The following TSHR variants were observed in gnomAD, a reference collection of about 807,000 sequenced individuals.
TSHR encodes the protein thyroid stimulating hormone receptor, also known as thyrotropin receptor.
Under a neutral mutation model 64.1 loss-of-function variants are expected in TSHR, and 51 were observed. That is an observed-to-expected ratio of 0.80 (90% CI 0.64 to 1.01). The LOEUF (loss-of-function observed/expected upper bound fraction) is 1.01, where lower values mean the gene tolerates loss of function less well. Ranked by LOEUF, TSHR falls within the 50% of genes least tolerant of loss-of-function variation. TSHR has a pLI of 0.00. For missense variants in TSHR, 877 were observed against 942.8 expected, an observed-to-expected ratio of 0.93 and a Z score of 0.91; for synonymous variants, 361 against 361.9, an observed-to-expected ratio of 1.00 and a Z score of 0.03.
intron 8 of TSHR, among the ~76,000 whole-genome samples, chr14:81,113,024 A>G (rs986094907): frequency 1.1e-4 from 17 of 152,234 alleles, no homozygotes; most frequent in African/African-American, 3.1e-4. Flanking sequence ...CCATAGGAGC[A>G]TTTTGAGCAT....
chr14:81,092,242 C>G (rs2139983717), intron 5 of TSHR, among the ~76,000 whole-genome samples: 1 of 152,268 alleles, frequency 6.6e-6, no homozygotes, highest in Non-Finnish European at 1.5e-5. Flanking sequence ...AGAAGCCTCT[C>G]AAATCCATCT....
intron 1 of TSHR, chr14:81,051,853 T>A (rs1378681188): frequency 6.6e-6 from 1 of 152,178 alleles, no homozygotes; most frequent in Non-Finnish European, 1.5e-5. Context: ...GAAGTGTCTA[T>A]CCATGTCATT....
intron 1 of TSHR, among the ~76,000 whole-genome samples, chr14:80,977,240 T>C (rs1887928622): frequency 6.6e-6 from 1 of 152,202 alleles, no homozygotes; most frequent in African/African-American, 2.4e-5. Flanking sequence ...AGGCAAACAG[T>C]TATCTAGAAT....
intron 1 of TSHR, among the ~76,000 whole-genome samples, chr14:81,056,116 G>A (rs555090743): frequency 5.3e-5 from 8 of 152,234 alleles, no homozygotes; most frequent in Non-Finnish European, 7.4e-5. Flanking sequence ...CATGAAATCC[G>A]ATGATTTTAA....
At chr14:80,974,821 G>T (rs527846295) in intron 1 of TSHR, among the ~76,000 whole-genome samples, 54 of 152,312 alleles carry the variant, frequency 3.5e-4, no homozygotes, top group Non-Finnish European at 6.6e-4. Flanking sequence ...GCAAAATAAA[G>T]AGGAAAAATA....
At chr14:81,045,723 T>C (rs1416096194) in intron 1 of TSHR, among the ~76,000 whole-genome samples, 2 of 152,200 alleles carry the variant, frequency 1.3e-5, no homozygotes, top group African/African-American at 4.8e-5. Flanking sequence ...CACAGGGTAA[T>C]TACACAAATA....
intron 8 of TSHR, among the ~76,000 whole-genome samples, chr14:81,122,193 A>C (rs2140067290): frequency 6.6e-6 from 1 of 150,534 alleles, no homozygotes; most frequent in Non-Finnish European, 1.5e-5. Flanking sequence ...ACAGGTGCCA[A>C]CACCATACCT....
At chr14:81,069,034 A>G (rs1353320121) in intron 3 of TSHR, among the ~76,000 whole-genome samples, 2 of 152,236 alleles carry the variant, frequency 1.3e-5, no homozygotes, top group East Asian at 1.9e-4. Flanking sequence ...TTAAGTAGCT[A>G]TGTATTACTA....
intron 1 of TSHR, 121 bp from the exon 2 acceptor site, chr14:81,062,027 G>T: frequency 1.2e-6 from 1 of 817,830 alleles, no homozygotes; most frequent in Admixed American, 2.4e-5. Context: ...TGTTGATTAT[G>T]TATCAGCCAA....
chr14:81,064,405 T>A (rs1032644892), intron 2 of TSHR, among the ~76,000 whole-genome samples: 3 of 152,072 alleles, frequency 2.0e-5, no homozygotes, highest in African/African-American at 7.2e-5. Flanking sequence ...GGGGGTATGT[T>A]AGGAATTCAA....
intron 1 of TSHR, among the ~76,000 whole-genome samples, chr14:81,026,770 T>C (rs1884077865): frequency 1.3e-5 from 2 of 152,118 alleles, no homozygotes; most frequent in South Asian, 2.1e-4. Flanking sequence ...GCACAGTGGC[T>C]CACACCTGTA....
chr14:81,002,275 C>T (rs550242497), intron 1 of TSHR, among the ~76,000 whole-genome samples: 10 of 152,180 alleles, frequency 6.6e-5, no homozygotes, highest in African/African-American at 1.7e-4. Flanking sequence ...TTCCTGTTTT[C>T]CTACATCTTT....
intron 8 of TSHR, among the ~76,000 whole-genome samples, chr14:81,137,635 C>T (rs1416882473): frequency 6.6e-6 from 1 of 152,206 alleles, no homozygotes; most frequent in Non-Finnish European, 1.5e-5. Flanking sequence ...CAGAGACAAC[C>T]TATCCCCACC....
At chr14:81,073,417 A>G (rs1326251591) in intron 3 of TSHR, among the ~76,000 whole-genome samples, 1 of 152,142 alleles carries the variant, frequency 6.6e-6, no homozygotes, top group Non-Finnish European at 1.5e-5. Flanking sequence ...ACAACTGCAG[A>G]GTATATATTC....
intron 8 of TSHR, among the ~76,000 whole-genome samples, chr14:81,139,302 C>A (rs920206303): frequency 6.6e-6 from 1 of 152,186 alleles, no homozygotes; most frequent in Non-Finnish European, 1.5e-5. Flanking sequence ...CAAAGTAGTC[C>A]CCTTCGTCTC....
intron 3 of TSHR, among the ~76,000 whole-genome samples, chr14:81,074,413 T>C (rs1339071003): frequency 2.6e-5 from 4 of 152,200 alleles, no homozygotes; most frequent in Non-Finnish European, 5.9e-5. Context: ...CAAAGCATTA[T>C]AACTTGCATG....
chr14:81,030,672 T>C (rs1884303829), intron 1 of TSHR, among the ~76,000 whole-genome samples: 1 of 152,196 alleles, frequency 6.6e-6, no homozygotes. Flanking sequence ...CTGAATGGAA[T>C]TGAGTATGAC....
At chr14:81,008,386 A>T (rs1405777154) in intron 1 of TSHR, among the ~76,000 whole-genome samples, 2 of 151,898 alleles carry the variant, frequency 1.3e-5, no homozygotes, top group Non-Finnish European at 2.9e-5. Context: ...GTTAGCCAGG[A>T]TGGTCTCCAT....
At chr14:81,042,027 C>T (rs1884946592) in intron 1 of TSHR, among the ~76,000 whole-genome samples, 1 of 152,056 alleles carries the variant, frequency 6.6e-6, no homozygotes, top group Non-Finnish European at 1.5e-5. Context: ...AAATGGCCAA[C>T]AGGTATATGA....
Sources: allele counts gnomAD v4.1 joint callset (sites outside exome capture counted in the v4.1 genomes callset), GRCh38; gene constraint gnomAD v4.1.1; transcripts MANE v1.5; gene names NCBI Gene and HGNC (gene_info 2026-07-23, HGNC 2026-07-21).